Variants in TEX11 observed in about 807,000 individuals in gnomAD.
TEX11 encodes the protein testis expressed 11.
TEX11 carries 7 observed loss-of-function variants against 84.4 expected under a neutral mutation model. The observed-to-expected ratio is 0.08, with a 90% CI of 0.05 to 0.16. TEX11 has a LOEUF of 0.16. Among genes scored for constraint, TEX11 ranks in the 10% least tolerant of loss-of-function variants. The pLI, the probability that TEX11 is intolerant of heterozygous loss-of-function variation, is 1.00. For synonymous variants in TEX11, 264 were observed against 222.8 expected (o/e 1.18, Z -1.64); for missense variants, 551 against 660.5 (o/e 0.83, Z 1.82).
chrX:70,714,514 T>C (rs2090476581), intron 13 of TEX11, among the ~76,000 whole-genome samples: 1 of 112,030 alleles, frequency 8.9e-6, no homozygotes, highest in South Asian at 3.7e-4. Context: ...AGTTAGCTCT[T>C]CTTTTTGTAT....
At chrX:70,829,497 A>C (rs1211840290) in intron 8 of TEX11, among the ~76,000 whole-genome samples, 3 of 107,993 alleles carry the variant, frequency 2.8e-5, no homozygotes, top group Non-Finnish European at 5.8e-5. Context: ...AAAAAAAAAA[A>C]AAAAACAGTA....
chrX:70,877,451 G>A (rs1359944704), intron 3 of TEX11, among the ~76,000 whole-genome samples: 1 of 111,795 alleles, frequency 8.9e-6, no homozygotes, highest in East Asian at 2.8e-4. Flanking sequence ...TGGTATAGTT[G>A]CTATGGAAAA....
chrX:70,744,403 T>C (rs1017983775), intron 9 of TEX11, among the ~76,000 whole-genome samples, 184 bp from the exon 10 acceptor site: 2 of 109,076 alleles, frequency 1.8e-5, no homozygotes, highest in Non-Finnish European at 1.9e-5. Flanking sequence ...AAAGCAATAC[T>C]TTCTAACTGT....
intron 13 of TEX11, among the ~76,000 whole-genome samples, chrX:70,691,769 T>A (rs2090237111): frequency 9.1e-6 from 1 of 110,082 alleles, no homozygotes; most frequent in Non-Finnish European, 1.9e-5. Context: ...TAGTTAATAA[T>A]AATGTATTAT....
chrX:70,841,930 G>C (rs1353043540), intron 7 of TEX11, among the ~76,000 whole-genome samples: 1 of 111,713 alleles, frequency 9.0e-6, no homozygotes, highest in South Asian at 3.8e-4. Context: ...GACTAAACCA[G>C]GAAGAAGTTG....
chrX:70,607,129 A>G, intron 22 of TEX11, 100 bp from the exon 23 acceptor site: 2 of 577,269 alleles, frequency 3.5e-6, no homozygotes, highest in Non-Finnish European at 5.3e-6. Context: ...TTTGATATTA[A>G]CATACTAGTA....
At chrX:70,878,053 G>A (rs192163734) in intron 3 of TEX11, among the ~76,000 whole-genome samples, 63 of 110,519 alleles carry the variant, frequency 5.7e-4, no homozygotes, top group Admixed American at 8.7e-4. Context: ...GTATTTTACC[G>A]CAATAAAAAA....
chrX:70,621,349 C>T (rs945330972), intron 20 of TEX11, among the ~76,000 whole-genome samples: 2 of 102,750 alleles, frequency 1.9e-5, no homozygotes, highest in Admixed American at 2.1e-4. Context: ...AGTGAAACCC[C>T]GTCTCTACTA....
chrX:70,567,279 T>A (rs1435227554), intron 25 of TEX11, among the ~76,000 whole-genome samples: 1 of 111,653 alleles, frequency 9.0e-6, no homozygotes, highest in Non-Finnish European at 1.9e-5. Flanking sequence ...ATTGCATCTA[T>A]TTGATTCTTC....
At chrX:70,761,492 C>G (rs1489839694) in intron 9 of TEX11, among the ~76,000 whole-genome samples, 3 of 111,764 alleles carry the variant, frequency 2.7e-5, no homozygotes, top group Non-Finnish European at 5.6e-5. Flanking sequence ...CCATCATTCT[C>G]AGCAAACTAT....
At chrX:70,850,612 A>G (rs1204776508) in intron 7 of TEX11, among the ~76,000 whole-genome samples, 1 of 109,721 alleles carries the variant, frequency 9.1e-6, no homozygotes, top group Non-Finnish European at 1.9e-5. Flanking sequence ...TTAATTAGCC[A>G]GGCACAGTGG....
chrX:70,766,525 C>A (rs1221138918), intron 9 of TEX11, among the ~76,000 whole-genome samples: 2 of 110,876 alleles, frequency 1.8e-5, no homozygotes, highest in East Asian at 2.8e-4. Flanking sequence ...TTGGAAGAAC[C>A]AATACTGTTA....
chrX:70,536,112 T>C (rs1052005110), intron 28 of TEX11, among the ~76,000 whole-genome samples: 3 of 111,653 alleles, frequency 2.7e-5, no homozygotes, highest in African/African-American at 9.8e-5. Flanking sequence ...TTTTGGACTT[T>C]ATTTTTGTGC....
At position 70,810,490 on chromosome X, in the gene TEX11, G is replaced by T. The variant is rs186785166; in HGVS notation, c.607-3700C>A. Among the ~76,000 whole-genome samples, 1,111 of 111,536 alleles carry T rather than the reference G, an allele frequency of 1.0e-2. 10 individuals carry two copies. Among genetic ancestry groups the T allele is most frequent in the Middle Eastern group, 0.018 (4 of 217 alleles). On this transcript the variant is annotated intron_variant, in intron 8 of 29. Coordinates refer to ENST00000374333, the MANE Select transcript of TEX11 (RefSeq NM_031276.3). ...AAAAAAGAATGAGTTCATGTTCTTT[G>T]CAGGGACATGGATGAAGCTGAAAAC...
intron 8 of TEX11, among the ~76,000 whole-genome samples, chrX:70,820,900 T>G (rs2091315145): frequency 9.0e-6 from 1 of 111,382 alleles, no homozygotes; most frequent in African/African-American, 3.3e-5. Context: ...CCGTAAAACT[T>G]TTAGAAGAAA....
intron 7 of TEX11, among the ~76,000 whole-genome samples, chrX:70,835,420 T>G (rs1396804197): frequency 8.9e-6 from 1 of 112,382 alleles, no homozygotes; most frequent in Non-Finnish European, 1.9e-5. Flanking sequence ...GATAAAGATT[T>G]AAAGTAAAAG....
At chrX:70,624,125 G>T (rs759058476) in intron 19 of TEX11, 119 bp from the exon 20 acceptor site, 35 of 377,710 alleles carry the variant, frequency 9.3e-5, no homozygotes, top group Middle Eastern at 5.5e-4. Flanking sequence ...AAAAGAGAGG[G>T]TAAAGGGGAG....
intron 3 of TEX11, among the ~76,000 whole-genome samples, chrX:70,879,531 T>C (rs1427516976): frequency 9.1e-6 from 1 of 110,126 alleles, no homozygotes; most frequent in Non-Finnish European, 1.9e-5. Flanking sequence ...CATTAGAAAA[T>C]TACCCCCAAA....
intron 9 of TEX11, among the ~76,000 whole-genome samples, chrX:70,758,142 C>T (rs1329420758): frequency 9.0e-6 from 1 of 111,693 alleles, no homozygotes; most frequent in African/African-American, 3.3e-5. Flanking sequence ...TAGAGACCTA[C>T]AAAGAGACTT....
Sources: allele counts gnomAD v4.1 joint callset (sites outside exome capture counted in the v4.1 genomes callset), GRCh38; gene constraint gnomAD v4.1.1; transcripts MANE v1.5; gene names NCBI Gene and HGNC (gene_info 2026-07-23, HGNC 2026-07-21).